The following P2RX5 variants were observed in gnomAD, a reference collection of about 807,000 sequenced individuals.
P2RX5 encodes the protein P2X purinoceptor 5.
P2RX5 carries 46 observed loss-of-function variants against 54.1 expected under a neutral mutation model. That is an observed-to-expected ratio of 0.85 (90% CI 0.67 to 1.09). The LOEUF (loss-of-function observed/expected upper bound fraction) is 1.09, where lower values mean the gene tolerates loss of function less well. P2RX5 is among the 50% of genes least tolerant of loss of function. The pLI is 0.00. For missense variants in P2RX5, 566 were observed against 549.8 expected (o/e 1.03, Z -0.29); for synonymous variants, 226 against 226.4 (o/e 1.00, Z 0.02).
chr17:3,701,754 T>G, the P2RX5 span, among the ~76,000 whole-genome samples: 17 of 119,662 alleles, frequency 1.4e-4, 3 homozygotes, highest in East Asian at 9.2e-4. Flanking sequence ...CTGTTTTTTT[T>G]TTTTTTGTTT....
At chr17:3,678,186 C>A (rs2050147483) in intron 11 of P2RX5, 8 of 843,820 alleles carry the variant, frequency 9.5e-6, no homozygotes, top group Non-Finnish European at 1.1e-5. Context: ...CTGTCGGGAG[C>A]CGGTGGGTGG....
Position 3,689,603 on chromosome 17 carries a change from T to C in P2RX5, c.642A>G (p.Arg214=). ...SKSNVMDVKD[R]SFLKSCHFGP... is the part of the protein sequence containing the mutation. Reference sequence around the variant, plus strand: ...CAAAGTGGCATGATTTCAGGAAAGATCTGTCCTTGACGTCCATCACATTGC... The same window carrying C: ...CAAAGTGGCATGATTTCAGGAAAGACCTGTCCTTGACGTCCATCACATTGC... The change falls in exon 7 of 12, where the codon AGA becomes AGG. Residue 214 remains arginine, a synonymous_variant. Transcript: ENST00000225328. 6.2e-7 allele frequency: 1 copy of C among 1,614,152 alleles called. No individual in the cohort carries two copies. The highest frequency in any genetic ancestry group is 2.2e-5 in the East Asian group (1 of 44,890).
upstream of P2RX5, among the ~76,000 whole-genome samples, chr17:3,699,080 C>T (rs1172363872): frequency 2.5e-5 from 3 of 118,590 alleles, no homozygotes; most frequent in Admixed American, 9.9e-5. Context: ...CACACACACA[C>T]ACACACACAC....
upstream of P2RX5, among the ~76,000 whole-genome samples, chr17:3,698,395 A>T (rs2050794907): frequency 6.6e-6 from 1 of 151,580 alleles, no homozygotes; most frequent in East Asian, 1.9e-4. Flanking sequence ...GAGTCTCTCC[A>T]CTCCCCAAGG....
At chr17:3,703,404 TG>T in the P2RX5 span, among the ~76,000 whole-genome samples, 1 of 152,050 alleles carries the variant, frequency 6.6e-6, no homozygotes, top group Non-Finnish European at 1.5e-5. Flanking sequence ...GGCAAGTACC[TG>T]TGGTCCCAGC....
chr17:3,681,502 C>T (rs1032110670), intron 10 of P2RX5, among the ~76,000 whole-genome samples: 2 of 152,236 alleles, frequency 1.3e-5, no homozygotes, highest in Non-Finnish European at 2.9e-5. Flanking sequence ...CTTTCCTTTA[C>T]TACTCCAGCT....
intron 10 of P2RX5, among the ~76,000 whole-genome samples, chr17:3,680,737 G>T (rs186373): frequency 2.5e-5 from 1 of 40,020 alleles, no homozygotes; most frequent in Non-Finnish European, 5.6e-5. Context: ...TCCACCCTGC[G>T]TCCTCCACCC....
the P2RX5 span, among the ~76,000 whole-genome samples, chr17:3,702,539 T>G: frequency 1.3e-5 from 2 of 152,044 alleles, no homozygotes; most frequent in Non-Finnish European, 2.9e-5. Flanking sequence ...TTGCTGCTGC[T>G]CACTCTTTGG....
At chr17:3,684,018 C>T (rs2050361508) in intron 9 of P2RX5, among the ~76,000 whole-genome samples, 1 of 152,252 alleles carries the variant, frequency 6.6e-6, no homozygotes, top group South Asian at 2.1e-4. Flanking sequence ...GGAAAGGGAC[C>T]TGCCGGGATG....
the P2RX5 span, chr17:3,716,651 A>C: frequency 8.1e-7 from 1 of 1,232,788 alleles, no homozygotes; most frequent in Non-Finnish European, 1.2e-6. Flanking sequence ...ACTAGAGCCC[A>C]GTCTTCCCTC....
At chr17:3,720,198 G>T in the P2RX5 span, 3 of 621,534 alleles carry the variant, frequency 4.8e-6, no homozygotes, top group Non-Finnish European at 8.8e-6. Context: ...GCCAAGATCA[G>T]AAGTGTTAAG....
the P2RX5 span, among the ~76,000 whole-genome samples, chr17:3,716,101 G>T: frequency 6.6e-6 from 1 of 151,888 alleles, no homozygotes; most frequent in Non-Finnish European, 1.5e-5. Context: ...GTGGGGGGAA[G>T]GGAAGGTTGC....
chr17:3,701,707 A>ATAAAAT, the P2RX5 span, among the ~76,000 whole-genome samples: 2 of 139,922 alleles, frequency 1.4e-5, no homozygotes, highest in African/African-American at 2.6e-5. Flanking sequence ...AAAAAAAAAA[A>ATAAAAT]AAAAAAAAAA....
intron 11 of P2RX5, among the ~76,000 whole-genome samples, chr17:3,679,061 G>T (rs541819962): frequency 6.6e-6 from 1 of 152,282 alleles, no homozygotes; most frequent in South Asian, 2.1e-4. Flanking sequence ...GAGGGGCTGA[G>T]GGGGGGTCAT....
At chr17:3,677,149 T>A in intron 11 of P2RX5, 1 of 985,324 alleles carries the variant, frequency 1.0e-6, no homozygotes, top group Non-Finnish European at 1.2e-6. Flanking sequence ...GGCCGTGGCA[T>A]AAGACAGGTG....
At chr17:3,688,146 G>T in intron 8 of P2RX5, 41 bp from the exon 9 acceptor site, 1 of 1,121,134 alleles carries the variant, frequency 8.9e-7, no homozygotes, top group Non-Finnish European at 1.3e-6. Context: ...AGCCTGCCTG[G>T]CCTTCCCTCT....
chr17:3,697,772 C>T (rs949414384), upstream of P2RX5, among the ~76,000 whole-genome samples: 2 of 152,202 alleles, frequency 1.3e-5, no homozygotes, highest in Non-Finnish European at 2.9e-5. Flanking sequence ...AACTCAACTG[C>T]CATTTCTTCA....
the P2RX5 span, among the ~76,000 whole-genome samples, chr17:3,711,664 G>A: frequency 5.9e-5 from 9 of 151,642 alleles, no homozygotes; most frequent in Admixed American, 2.6e-4. Context: ...GATTACAGGC[G>A]TGAGCCACTG....
chr17:3,699,917 GGAAAGAAAGAAAGAAA>G (rs71362545), upstream of P2RX5, among the ~76,000 whole-genome samples: 1,402 of 75,228 alleles, frequency 0.019, 53 homozygotes, highest in African/African-American at 0.05. Flanking sequence ...AAGGAAGGAA[GGAAAGAAAGAAAGAAA>G]GAAAGAAAGA....
Sources: gnomAD v4.1 joint callset for allele counts (sites outside exome capture counted in the v4.1 genomes callset) on GRCh38, gnomAD v4.1.1 for gene constraint, MANE v1.5 for transcripts, NCBI Gene and HGNC (gene_info 2026-07-23, HGNC 2026-07-21) for gene names.